Variants in ADGRL2 observed in about 807,000 individuals in gnomAD.
ADGRL2 encodes adhesion G protein-coupled receptor L2.
Under a neutral mutation model 157.4 loss-of-function variants are expected in ADGRL2, and 44 were observed. The ratio of observed to expected loss-of-function variants is 0.28; its 90% CI spans 0.22 to 0.36. ADGRL2 has a LOEUF of 0.36. ADGRL2 is among the 10% of genes least tolerant of loss of function. ADGRL2 has a pLI of 1.00. For synonymous variants in ADGRL2, 585 were observed against 624.7 expected (o/e 0.94, Z 0.95); for missense variants, 1,510 against 1,768.9 (o/e 0.85, Z 2.63).
chr1:81,943,249 G>A lies in ADGRL2; in HGVS notation c.690G>A (p.Thr230=), dbSNP rs565066593. The A allele has an allele frequency of 5.0e-6, 8 of 1,613,566 alleles. No homozygotes were observed. The highest frequency in any genetic ancestry group is 2.7e-5 in the African/African-American group (2 of 74,978). The change falls in exon 6 of 24, where the codon ACG becomes ACA. Residue 230 remains threonine, a synonymous_variant. Coordinates refer to ENST00000686636, the MANE Select transcript of ADGRL2 (RefSeq NM_001366006.2). This position sits in a 1 kb window ranked among gnomAD's most constrained non-coding sequence, Gnocchi z 5.6. Reference sequence around the variant, plus strand: ...CTGTCTTCTTTAACAAAGAAAGAACGAGGAATATTGTGAAATTTGACTTGA... The same window carrying A: ...CTGTCTTCTTTAACAAAGAAAGAACAAGGAATATTGTGAAATTTGACTTGA... The part of the protein sequence containing the change: ...DGAVFFNKER[T]RNIVKFDLRT...
At chr1:81,885,151 GA>G (rs34949417) in intron 2 of ADGRL2, among the ~76,000 whole-genome samples, 4 of 152,132 alleles carry the variant, frequency 2.6e-5, no homozygotes, top group East Asian at 1.9e-4. Context: ...GTAAGGAGGG[GA>G]AAGTGAAGGA....
rs1477480341 is a variant in ADGRL2 at position 81,404,951 on chromosome 1, T to A, written c.-301-40085T>A. On this transcript the variant is annotated intron_variant, in intron 1 of 24. Coordinates refer to the ADGRL2 transcript ENST00000370721. ...ATCTTAATTGACTATAAATATGGCT[T>A]TTAGCAAAAATTCTAAAAGCTATGT... 2.6e-5 allele frequency among the ~76,000 whole-genome samples: 4 copies of A among 152,224 alleles called. No homozygotes were observed. The East Asian group carries it at 7.7e-4, about 29-fold the overall frequency.
At chr1:81,951,905 G>A (rs925185736) in intron 8 of ADGRL2, 52 bp from the exon 9 acceptor site, 12 of 1,427,218 alleles carry the variant, frequency 8.4e-6, no homozygotes, top group Non-Finnish European at 1.1e-5. Context: ...AGAACTAGAA[G>A]CTGTAAACAG....
At chr1:81,558,283 G>T (rs544488486) in intron 2 of ADGRL2, among the ~76,000 whole-genome samples, 1 of 152,076 alleles carries the variant, frequency 6.6e-6, no homozygotes, top group East Asian at 1.9e-4. Context: ...AGGAGAAAAG[G>T]AACTAAGAAC....
rs372965279 is a variant in ADGRL2, at chr1:81,420,983, C to G, written c.-301-24053C>G. On this transcript the variant is annotated intron_variant, in intron 1 of 24. Transcript: ENST00000370721. ...GCTCTTAACCATCATGCAGTGAAAC[C>G]CTGACAGAAGGGCCAAGACTGAAAC... 3.9e-5 allele frequency among the ~76,000 whole-genome samples: 6 copies of G among 152,120 alleles called. No individual in the cohort carries two copies. The East Asian group carries it at 1.2e-3, about 29-fold the overall frequency.
In ADGRL2 at chr1:81,960,625, C is replaced by T. The variant is rs1008409816; in HGVS notation, c.2017+4565C>T. Among the ~76,000 whole-genome samples the T allele has an allele frequency of 3.3e-5, 5 of 152,176 alleles. No homozygotes were observed. The East Asian group carries it at 9.7e-4, about 29-fold the overall frequency. On this transcript the variant is annotated intron_variant, in intron 11 of 23. Coordinates refer to ENST00000686636, the MANE Select transcript of ADGRL2 (RefSeq NM_001366006.2). Reference sequence around the variant, plus strand: ...GAGTAGCTGGGATTATAGGTGCCTGCCATGATGCCCTGCTAATTTTTGTAT... The same window carrying T: ...GAGTAGCTGGGATTATAGGTGCCTGTCATGATGCCCTGCTAATTTTTGTAT...
At chr1:81,505,922 A>G (rs2078966030) in intron 2 of ADGRL2, 1 of 304,296 alleles carries the variant, frequency 3.3e-6, no homozygotes, top group African/African-American at 2.2e-5. Flanking sequence ...CACGCTGTGC[A>G]AAAGATGGGC....
At chr1:81,450,790 A>C (rs187149259) in intron 2 of ADGRL2, among the ~76,000 whole-genome samples, 2 of 152,272 alleles carry the variant, frequency 1.3e-5, no homozygotes, top group East Asian at 1.9e-4. Flanking sequence ...GAAAAGCAAA[A>C]GCATTATATG....
At chr1:81,494,132 C>A (rs987091943) in intron 2 of ADGRL2, among the ~76,000 whole-genome samples, 2 of 152,120 alleles carry the variant, frequency 1.3e-5, no homozygotes, top group Non-Finnish European at 2.9e-5. Flanking sequence ...AACTCTCTTG[C>A]CTAAATGCCA....
chr1:81,760,187 T>C (rs561731366), intron 1 of ADGRL2, among the ~76,000 whole-genome samples: 1 of 152,218 alleles, frequency 6.6e-6, no homozygotes, highest in South Asian at 2.1e-4. Flanking sequence ...ATTAAATTGT[T>C]AGAGGTGTTA....
Position 81,981,958 on chromosome 1 carries a change from C to T in ADGRL2, c.3264C>T (p.His1088=). The T allele has an allele frequency of 1.2e-6, 2 of 1,611,608 alleles. No individual in the cohort carries two copies. Among genetic ancestry groups the T allele is most frequent in the Non-Finnish European group, 1.7e-6 (2 of 1,178,638 alleles). ...AGGGAGTGTTCATTTTCATCTTTCA[C>T]TGTGCTCTCCAAAAGAAAGTAAGTA... ...AFQGVFIFIF[H]CALQKKVRKE... Residue 1088 remains histidine, a synonymous_variant, in exon 19 of 24, where the codon CAC becomes CAT. Transcript: ENST00000686636.
intron 2 of ADGRL2, among the ~76,000 whole-genome samples, chr1:81,511,659 T>C (rs1437051657): frequency 6.6e-6 from 1 of 152,190 alleles, no homozygotes; most frequent in Non-Finnish European, 1.5e-5. Context: ...TTTGATATGA[T>C]TCTACTTTCC....
At chr1:81,988,201 AATCT>A (rs1663744899) in intron 23 of ADGRL2, among the ~76,000 whole-genome samples, 1 of 152,172 alleles carries the variant, frequency 6.6e-6, no homozygotes, top group Non-Finnish European at 1.5e-5. Context: ...TTCCCACAGT[AATCT>A]TGCTACAGGC....
chr1:81,577,922 G>T (rs1004985335), intron 2 of ADGRL2, among the ~76,000 whole-genome samples: 2 of 152,100 alleles, frequency 1.3e-5, no homozygotes, highest in African/African-American at 2.4e-5. Context: ...AAGAAAAGGT[G>T]CAAACCATTA....
intron 2 of ADGRL2, among the ~76,000 whole-genome samples, chr1:81,846,400 G>A (rs1320259506): frequency 9.6e-6 from 1 of 104,380 alleles, no homozygotes; most frequent in African/African-American, 3.4e-5. Flanking sequence ...GCAAAAGCAT[G>A]ACTGTAGAGA....
chr1:81,485,904 C>T (rs1045837906), intron 2 of ADGRL2, among the ~76,000 whole-genome samples: 1 of 152,174 alleles, frequency 6.6e-6, no homozygotes, highest in Non-Finnish European at 1.5e-5. Flanking sequence ...TCGGACTTAA[C>T]CTCCACAAGA....
rs144749426 is a variant in ADGRL2, at chr1:81,498,033, C to T, written c.-248+52944C>T. The stretch of plus-strand genomic sequence containing the variant: ...CATCCTGGCTAACATGGTGAAACCT[C>T]GTCTCTACTAAAATAATAATAATAA... On this transcript the variant is annotated intron_variant, in intron 2 of 24. Transcript: ENST00000370721. Among the ~76,000 whole-genome samples, 335 of 152,122 alleles carry T rather than the reference C, an allele frequency of 2.2e-3. 2 individuals carry two copies. Among genetic ancestry groups the T allele is most frequent in the Middle Eastern group, 0.01 (3 of 294 alleles).
At chr1:81,403,565 C>T (rs1233375327) in intron 1 of ADGRL2, among the ~76,000 whole-genome samples, 1 of 148,904 alleles carries the variant, frequency 6.7e-6, no homozygotes, top group African/African-American at 2.6e-5. Context: ...CGTGCCTGGC[C>T]ATAACACTTT....
chr1:81,619,317 G>A (rs556037996), intron 3 of ADGRL2, among the ~76,000 whole-genome samples: 14 of 150,942 alleles, frequency 9.3e-5, no homozygotes, highest in East Asian at 1.9e-4. Flanking sequence ...ACCACCTGCC[G>A]TGCCTTTAGT....
Sources: gnomAD v4.1 joint callset for allele counts (sites outside exome capture counted in the v4.1 genomes callset) on GRCh38, gnomAD v4.1.1 for gene constraint, Gnocchi (gnomAD v3.1) non-coding constraint, MANE v1.5 for transcripts, NCBI Gene and HGNC (gene_info 2026-07-23, HGNC 2026-07-21) for gene names.